DCAF5: variants seen among roughly 807,000 people sequenced by gnomAD.
DCAF5 encodes DDB1- and CUL4-associated factor 5.
A neutral mutation model predicts 80.7 loss-of-function variants in DCAF5; 9 were observed. That is an observed-to-expected ratio of 0.11 (90% CI 0.07 to 0.19). The LOEUF (loss-of-function observed/expected upper bound fraction) is 0.19. Among genes scored for constraint, DCAF5 ranks in the 10% least tolerant of loss-of-function variants. The probability of loss-of-function intolerance (pLI) is 1.00; values close to 1 mark genes in which losing one functional copy is unlikely to be tolerated. For synonymous variants in DCAF5, 433 were observed against 461.9 expected, an observed-to-expected ratio of 0.94 and a Z score of 0.80; for missense variants, 842 against 1,205.7, an observed-to-expected ratio of 0.70 and a Z score of 4.47.
chr14:69,107,826 T>C (rs1566760997), intron 5 of DCAF5, among the ~76,000 whole-genome samples: 1 of 152,240 alleles, frequency 6.6e-6, no homozygotes. Flanking sequence ...TTGACTATTT[T>C]GGGATGAGTA....
At chr14:69,081,590 C>T (rs762645128) in intron 6 of DCAF5, among the ~76,000 whole-genome samples, 1 of 152,008 alleles carries the variant, frequency 6.6e-6, no homozygotes, top group Non-Finnish European at 1.5e-5. Context: ...CTAACTTGCT[C>T]GAGCATAGGA....
rs1191787747 is a variant in DCAF5 at position 69,114,491 on chromosome 14, A to AT, written c.665+1874dup. 1.6e-4 allele frequency among the ~76,000 whole-genome samples: 25 copies of AT among 152,304 alleles called. No homozygotes were observed. In the East Asian group the frequency reaches 3.7e-3, roughly 22 times the overall value. On this transcript the variant is annotated intron_variant, in intron 5 of 8. Transcript: ENST00000341516. The stretch of plus-strand genomic sequence containing the variant: ...TTACTACGTGCTTCCTTCTGTCTCA[A>AT]TTTTTTTAAAGGATGCATATGCATA...
intron 1 of DCAF5, among the ~76,000 whole-genome samples, chr14:69,148,831 T>A (rs933328683): frequency 1.3e-5 from 2 of 152,248 alleles, no homozygotes; most frequent in African/African-American, 2.4e-5. Context: ...ATTTTACAGA[T>A]GAGTAGTGAA....
chr14:69,054,292 G>C lies in DCAF5; in HGVS notation c.2394C>G (p.Pro798=), dbSNP rs907497062. The change falls in exon 9 of 9, where the codon CCC becomes CCG. Residue 798 remains proline (P), a synonymous_variant. Transcript: ENST00000341516. ...TGTTGAGAGTGGAGCCAGATGCCTT[G>C]GGGACAGGAGGAGAAGGCGGCTCCT... ...RAEEPPSPPV[P]KASGSTLNSG... is the part of the protein sequence containing the mutation. 1.9e-6 allele frequency: 3 copies of C among 1,614,202 alleles called. No individual in the cohort carries two copies. The highest frequency in any genetic ancestry group is 2.5e-6 in the Non-Finnish European group (3 of 1,180,038).
Position 69,152,575 on chromosome 14 carries a change from T to G in DCAF5, c.214+190A>C, listed in dbSNP as rs2041741242. ...TGTCAACCATTTTAGGTCTTTTTTA[T>G]AGAAGACATCCTCTCCTTCCCCTCC... On this transcript the variant is annotated intron_variant, in intron 1 of 8. Coordinates refer to ENST00000341516, the MANE Select transcript of DCAF5 (RefSeq NM_003861.3). The surrounding 1 kb of genome is among the most constrained non-coding windows in gnomAD (Gnocchi z 4.1). 1 of 592,268 alleles carries G rather than the reference T, an allele frequency of 1.7e-6. No individual in the cohort carries two copies. Among genetic ancestry groups the G allele is most frequent in the African/African-American group, 1.9e-5 (1 of 53,618 alleles). 36.7% of individuals were successfully genotyped at this position (592,268 alleles called of 1,614,324 possible). A position where few individuals can be genotyped will look rare whatever the true frequency, so the allele number is the denominator to read the frequency against.
At chr14:69,099,667 G>A (rs1594995099) in intron 5 of DCAF5, among the ~76,000 whole-genome samples, 3 of 152,284 alleles carry the variant, frequency 2.0e-5, no homozygotes, top group Admixed American at 6.5e-5. Flanking sequence ...TCCTGGCTGG[G>A]CATGGTGGTT....
At chr14:69,089,790 G>C (rs2039467612) in intron 6 of DCAF5, 1 of 412,356 alleles carries the variant, frequency 2.4e-6, no homozygotes, top group Non-Finnish European at 3.3e-6. Context: ...TGGTTGCCTG[G>C]AGGATAACTT....
At chr14:69,084,501 C>A (rs1298845396) in intron 6 of DCAF5, 2 of 772,592 alleles carry the variant, frequency 2.6e-6, no homozygotes, top group African/African-American at 1.7e-5. Context: ...GAAGGCCCGG[C>A]AAGGATTTCT....
chr14:69,129,554 C>T (rs931606089), intron 1 of DCAF5, among the ~76,000 whole-genome samples: 4 of 152,212 alleles, frequency 2.6e-5, no homozygotes, highest in Admixed American at 2.6e-4. Flanking sequence ...CTACAATTGT[C>T]TCCCTTAATC....
rs888921380 is a variant in DCAF5, at chr14:69,051,456, T to C, written c.*2401A>G. 2 of 152,216 alleles carry C rather than the reference T, an allele frequency of 1.3e-5. No homozygotes were observed. Among genetic ancestry groups the C allele is most frequent in the Non-Finnish European group, 2.9e-5 (2 of 68,032 alleles). 9.4% of individuals were successfully genotyped at this position (152,216 alleles called of 1,614,324 possible). A position where few individuals can be genotyped will look rare whatever the true frequency, so the allele number is the denominator to read the frequency against. On this transcript the variant is annotated 3_prime_UTR_variant, in exon 9 of 9. Transcript: ENST00000341516. Reference sequence around the variant, plus strand: ...GCTATAAAGCAAGCATTTCTCACCCTGCTCATGTGTGTGTCTTATGGGGCC... The same window carrying C: ...GCTATAAAGCAAGCATTTCTCACCCCGCTCATGTGTGTGTCTTATGGGGCC...
At chr14:69,077,935 C>T (rs1170730328) in intron 6 of DCAF5, among the ~76,000 whole-genome samples, 2 of 152,134 alleles carry the variant, frequency 1.3e-5, no homozygotes, top group South Asian at 2.1e-4. Flanking sequence ...AAGCAGTGGG[C>T]TCAGTTTCTT....
Position 69,053,656 on chromosome 14 carries a change from C to A in DCAF5, c.*201G>T. 1 of 561,680 alleles carries A rather than the reference C, an allele frequency of 1.8e-6. No individual in the cohort carries two copies. Among genetic ancestry groups the A allele is most frequent in the South Asian group, 2.4e-5 (1 of 41,182 alleles). 34.8% of individuals were successfully genotyped at this position (561,680 alleles called of 1,614,324 possible). A position where few individuals can be genotyped will look rare whatever the true frequency, so the allele number is the denominator to read the frequency against. ...GTTATTTTTTTTTCCCCTTTCTTAACACAGCACAAGCCAATGGCCAGCTAG... is the reference window on the plus strand; with the variant it reads ...GTTATTTTTTTTTCCCCTTTCTTAAAACAGCACAAGCCAATGGCCAGCTAG... On this transcript the variant is annotated 3_prime_UTR_variant, in exon 9 of 9. Transcript: ENST00000341516.
At chr14:69,095,777 A>G (rs772611793) in intron 5 of DCAF5, among the ~76,000 whole-genome samples, 21 of 152,220 alleles carry the variant, frequency 1.4e-4, no homozygotes, top group Non-Finnish European at 2.9e-4. Context: ...CTATAAATCC[A>G]TGATTAACTA....
At chr14:69,104,366 A>G (rs1195064402) in intron 5 of DCAF5, among the ~76,000 whole-genome samples, 1 of 152,158 alleles carries the variant, frequency 6.6e-6, no homozygotes, top group Non-Finnish European at 1.5e-5. Flanking sequence ...CATCAATGAA[A>G]TATTTTTGTA....
rs755596230 is a variant in DCAF5 at position 69,122,243 on chromosome 14, C to G, written c.332G>C (p.Ser111Thr). The change falls in exon 2 of 9, where the codon AGT becomes ACT. Residue 111 changes from serine to threonine, a missense_variant. Ser to Thr is a moderately conservative substitution (Grantham distance 58). Transcript: ENST00000341516. ...HSNIFCLAFN[S>T]GNTKVFSGGN... Reference sequence around the variant, plus strand: ...TCCAGAGAACACTTTAGTGTTCCCACTGTTGAAAGCCAGGCAAAAAATGTT... The same window carrying G: ...TCCAGAGAACACTTTAGTGTTCCCAGTGTTGAAAGCCAGGCAAAAAATGTT... 1 of 1,613,914 alleles carries G rather than the reference C, an allele frequency of 6.2e-7. No homozygotes were observed. The highest frequency in any genetic ancestry group is 1.1e-5 in the South Asian group (1 of 91,038).
rs1396314096 is a variant in DCAF5 at position 69,090,155 on chromosome 14, A to C, written c.879+1519T>G. On this transcript the variant is annotated intron_variant, in intron 6 of 8. Transcript: ENST00000341516. The stretch of plus-strand genomic sequence containing the variant: ...CATAAGAAGTTGACAAAGGATAGGA[A>C]ATCAACAAAAGCAAAGAAAGAAGGA... 4 of 972,362 alleles carry C rather than the reference A, an allele frequency of 4.1e-6. No homozygotes were observed. In the South Asian group the frequency reaches 1.4e-4, roughly 35 times the overall value. The allele number at this position is 972,362 out of a possible 1,614,324, so 60.2% of individuals were successfully genotyped here.
At chr14:69,137,886 G>A (rs1403505263) in intron 1 of DCAF5, among the ~76,000 whole-genome samples, 1 of 152,046 alleles carries the variant, frequency 6.6e-6, no homozygotes, top group Admixed American at 6.6e-5. Flanking sequence ...ATGTATTACT[G>A]TGCCTAACTT....
intron 6 of DCAF5, among the ~76,000 whole-genome samples, chr14:69,088,927 G>C (rs1339983803): frequency 6.6e-6 from 1 of 152,164 alleles, no homozygotes; most frequent in Non-Finnish European, 1.5e-5. Flanking sequence ...TGGAAAGTCA[G>C]AGCCTATAAA....
At chr14:69,090,192 G>A (rs1360049479) in intron 6 of DCAF5, 1 of 817,822 alleles carries the variant, frequency 1.2e-6, no homozygotes, top group Non-Finnish European at 1.5e-6. Flanking sequence ...AAAAGGAAGA[G>A]AGGGAGAGAC....
Sources: allele counts gnomAD v4.1 joint callset (sites outside exome capture counted in the v4.1 genomes callset), GRCh38; gene constraint gnomAD v4.1.1; non-coding constraint Gnocchi (gnomAD v3.1); transcripts MANE v1.5; gene names NCBI Gene and HGNC (gene_info 2026-07-23, HGNC 2026-07-21).